SELENON: variants seen among roughly 807,000 people sequenced by gnomAD.
The protein encoded by SELENON is selenoprotein N, 1.
A neutral mutation model predicts 59.5 loss-of-function variants in SELENON; 44 were observed. The observed-to-expected ratio is 0.74, with a 90% CI of 0.58 to 0.95. The LOEUF is 0.95. Among genes scored for constraint, SELENON ranks in the 40% least tolerant of loss-of-function variants. The probability of loss-of-function intolerance (pLI) is 0.00; values close to 1 mark genes in which losing one functional copy is unlikely to be tolerated. For synonymous variants in SELENON, 320 were observed against 305.6 expected (o/e 1.05, Z -0.49); for missense variants, 674 against 721.4 (o/e 0.93, Z 0.75).
At chr1:25,809,547 C>A in intron 6 of SELENON, 136 bp from the exon 6 acceptor site, 2 of 1,254,586 alleles carry the variant, frequency 1.6e-6, no homozygotes, top group Non-Finnish European at 2.3e-6. Flanking sequence ...ATTTGGAGAG[C>A]CTCGCTGCTG....
At position 25,803,709 on chromosome 1, in the gene SELENON, T is replaced by TC. The variant is rs11390952; in HGVS notation, c.404-1433_404-1432insC. ...TTATTATTGGTTTTTGTTTTTTTTG[T>TC]TTTTTTGTTTTTTTTTTTGAGATGG... On this transcript the variant is annotated intron_variant, in intron 3 of 12. Coordinates refer to ENST00000361547, the MANE Select transcript of SELENON (RefSeq NM_020451.3). Among the ~76,000 whole-genome samples, 4 of 5,182 alleles carry TC rather than the reference T, an allele frequency of 7.7e-4. No homozygotes were observed. The Admixed American group carries it at 0.011, about 14-fold the overall frequency. The allele number at this position is 5,182 out of a possible 152,430, so 3.4% of individuals were successfully genotyped here. A position where few individuals can be genotyped will look rare whatever the true frequency, so the allele number is the denominator to read the frequency against.
chr1:25,805,231 C>T lies in SELENON; in HGVS notation c.493C>T (p.Leu165=). The stretch of plus-strand genomic sequence containing the variant: ...CACCATAGAAGCCCGATTCCAGCCT[C>T]TGCTCCCGGAGACCATGACCAAGAG... The change falls in exon 4 of 13, where the codon CTG becomes TTG. Residue 165 remains leucine (L), a synonymous_variant. Transcript: ENST00000361547. The T allele has an allele frequency of 6.2e-7, 1 of 1,614,220 alleles. No individual in the cohort carries two copies.
At chr1:25,808,985 C>T (rs375648164) in intron 5 of SELENON, 41 bp from the exon 5 acceptor site, 10 of 1,612,654 alleles carry the variant, frequency 6.2e-6, no homozygotes, top group African/African-American at 2.7e-5. Context: ...CCAGGCCCAG[C>T]GGGACCCAGC....
intron 4 of SELENON, among the ~76,000 whole-genome samples, chr1:25,805,515 C>T (rs1337130058): frequency 1.3e-5 from 2 of 151,956 alleles, no homozygotes; most frequent in African/African-American, 4.8e-5. Context: ...GAGGAAGTGA[C>T]ATCTGGTAGA....
intron 4 of SELENON, among the ~76,000 whole-genome samples, chr1:25,806,139 T>C (rs1450520660): frequency 3.3e-5 from 5 of 152,198 alleles, no homozygotes; most frequent in Non-Finnish European, 5.9e-5. Flanking sequence ...AACAGAGGCC[T>C]GAAGGCAGGA....
intron 7 of SELENON, 25 bp downstream of exon 6, chr1:25,809,845 C>T: frequency 6.2e-7 from 1 of 1,611,200 alleles, no homozygotes; most frequent in Non-Finnish European, 8.5e-7. Flanking sequence ...CTGGCCCAGC[C>T]TTGGCTCCCT....
chr1:25,804,917 A>G (rs1282862161), intron 3 of SELENON, among the ~76,000 whole-genome samples: 1 of 152,092 alleles, frequency 6.6e-6, no homozygotes, highest in Non-Finnish European at 1.5e-5. Context: ...ACCTCTCTGA[A>G]CACTTTCTCA....
chr1:25,808,828 C>A (rs114458946), intron 5 of SELENON, 39 bp downstream of exon 4: 4 of 1,609,980 alleles, frequency 2.5e-6, no homozygotes, highest in Non-Finnish European at 3.4e-6. Flanking sequence ...CCCCTCCGCC[C>A]GAGCCCAGGA....
chr1:25,812,837 C>A, intron 10 of SELENON, 45 bp downstream of exon 9: 2 of 1,444,996 alleles, frequency 1.4e-6, no homozygotes, highest in Non-Finnish European at 1.9e-6. Flanking sequence ...GGAAAGTCCA[C>A]ACCTTGTGGG....
At position 25,808,570 on chromosome 1, in the gene SELENON, C is replaced by T. The variant is rs1471184508; in HGVS notation, c.538-10C>T. On this transcript the variant is annotated splice_polypyrimidine_tract_variant and intron_variant, in intron 4 of 12. Transcript: ENST00000361547. ...TCAGATTCCTGGAGCTTTGCTTTCC[C>T]CCGCCCCAGGTCTCCCGCCTCGCCC... The T allele has an allele frequency of 6.8e-6, 11 of 1,612,970 alleles. No individual in the cohort carries two copies. The African/African-American group carries it at 8.0e-5, about 12-fold the overall frequency.
Position 25,809,122 on chromosome 1 carries a change from A to G in SELENON, c.844A>G (p.Ser282Gly). 6.2e-7 allele frequency: 1 copy of G among 1,613,744 alleles called. No individual in the cohort carries two copies. The highest frequency in any genetic ancestry group is 8.5e-7 in the Non-Finnish European group (1 of 1,180,018). ...AGCTGTGGCCTGCCTGACTGCCATCAGCGACTTCTACTACACTGTGATGTT... is the reference window on the plus strand; with the variant it reads ...AGCTGTGGCCTGCCTGACTGCCATCGGCGACTTCTACTACACTGTGATGTT... Residue 282 changes from serine (S) to glycine (G), a missense_variant, in exon 6 of 13, where the codon AGC (serine) becomes GGC (glycine). Ser to Gly is a moderately conservative substitution (Grantham distance 56). Coordinates refer to ENST00000361547, the MANE Select transcript of SELENON (RefSeq NM_020451.3).
intron 12 of SELENON, among the ~76,000 whole-genome samples, chr1:25,815,248 C>T (rs2048000030): frequency 7.0e-6 from 1 of 142,512 alleles, no homozygotes; most frequent in Non-Finnish European, 1.5e-5. Context: ...GTCACAGGAA[C>T]AGAGGAGAGG....
rs886038660 is a variant in SELENON, at chr1:25,800,311, C to T, written c.81C>T (p.Arg27=). The T allele has an allele frequency of 2.1e-4, 206 of 998,312 alleles. No individual in the cohort carries two copies. The highest frequency in any genetic ancestry group is 2.4e-4 in the Non-Finnish European group (198 of 838,966). The allele number at this position is 998,312 out of a possible 1,614,324, so 61.8% of individuals were successfully genotyped here. ...AGCCTCCCGCGCCACCGCGCCGCCG[C>T]GCCCGTTCCCTGGCGCTGCTCGGAG... Residue 27 remains arginine (R), a synonymous_variant, in exon 1 of 13, where the codon CGC becomes CGT. Transcript: ENST00000361547.
chr1:25,815,564 CCAACTACTT>C lies in SELENON; in HGVS notation c.1621_1629del (p.Asn541_Phe543del). 6.2e-7 allele frequency: 1 copy of C among 1,614,162 alleles called. No homozygotes were observed. The highest frequency in any genetic ancestry group is 1.3e-5 in the African/African-American group (1 of 75,060). On this transcript the variant is annotated inframe_deletion, in exon 13 of 13. Coordinates refer to ENST00000361547, the MANE Select transcript of SELENON (RefSeq NM_020451.3). ...TTCTCCCAGGTCCATCACATCAATG[CCAACTACTT>C]CTTGGACATCACCTCCGTGAAGCCC...
chr1:25,809,105 C>G lies in SELENON; in HGVS notation c.827C>G (p.Ala276Gly). 1 of 1,613,808 alleles carries G rather than the reference C, an allele frequency of 6.2e-7. No individual in the cohort carries two copies. Residue 276 changes from alanine (A) to glycine (G), a missense_variant, in exon 6 of 13, where the codon GCC (alanine) becomes GGC (glycine). By Grantham distance (60) the Ala-to-Gly change is moderately conservative (BLOSUM62 0). Coordinates refer to ENST00000361547, the MANE Select transcript of SELENON (RefSeq NM_020451.3). ...CGCTTTGCCCCTCAGGGAGCTGTGG[C>G]CTGCCTGACTGCCATCAGCGACTTC...
chr1:25,805,039 AC>A, intron 3 of SELENON, 102 bp from the exon 3 acceptor site: 14 of 1,506,460 alleles, frequency 9.3e-6, no homozygotes, highest in African/African-American at 1.4e-5. Flanking sequence ...AGCTACCCCC[AC>A]CCCCTGCCTG....
At chr1:25,814,317 G>T (rs1572237216) in intron 12 of SELENON, 139 bp downstream of exon 11, 3 of 726,222 alleles carry the variant, frequency 4.1e-6, no homozygotes, top group East Asian at 2.7e-5. Flanking sequence ...CCTCAAGCTG[G>T]TCTCTTACCC....
rs2047928111 is a variant in SELENON, at chr1:25,808,500, G to A, written c.538-80G>A. The A allele has an allele frequency of 3.5e-5, 54 of 1,546,636 alleles. 2 individuals carry two copies. The South Asian group carries it at 5.6e-4, about 16-fold the overall frequency. On this transcript the variant is annotated intron_variant, in intron 4 of 12. Transcript: ENST00000361547. ...GGTGTGGGCTGGCTCGGGGCTTGAGGGAGACCTCCACCCACATGGTACAGG... is the reference window on the plus strand; with the variant it reads ...GGTGTGGGCTGGCTCGGGGCTTGAGAGAGACCTCCACCCACATGGTACAGG...
At chr1:25,814,397 G>A (rs1013237266) in intron 12 of SELENON, among the ~76,000 whole-genome samples, 1 of 152,224 alleles carries the variant, frequency 6.6e-6, no homozygotes, top group Non-Finnish European at 1.5e-5. Context: ...CGGGGGCTGC[G>A]CAGCAGTGAG....
Sources: allele counts gnomAD v4.1 joint callset (sites outside exome capture counted in the v4.1 genomes callset), GRCh38; gene constraint gnomAD v4.1.1; transcripts MANE v1.5; gene names NCBI Gene and HGNC (gene_info 2026-07-23, HGNC 2026-07-21).